The following SAP30 variants were observed in gnomAD, a reference collection of about 807,000 sequenced individuals.
The protein encoded by SAP30 is histone deacetylase complex subunit SAP30.
In SAP30, 13 loss-of-function variants were observed where a neutral mutation model predicts 19.6. That is an observed-to-expected ratio of 0.66 (90% confidence interval 0.43 to 1.05). SAP30 has a LOEUF of 1.05. Ranked by LOEUF, SAP30 falls within the 50% of genes least tolerant of loss-of-function variation. The pLI is 0.00. For missense variants in SAP30, 257 were observed against 292.1 expected (o/e 0.88, Z 0.88); for synonymous variants, 108 against 122.7 (o/e 0.88, Z 0.79).
intron 3 of SAP30, 24 bp downstream of exon 3, chr4:173,374,061 T>C: frequency 7.8e-7 from 1 of 1,286,640 alleles, no homozygotes; most frequent in African/African-American, 1.5e-5. Flanking sequence ...TTAAACTATT[T>C]GAACTATCTG....
chr4:173,371,153 T>A lies in SAP30; in HGVS notation c.-30T>A. The A allele has an allele frequency of 6.9e-7, 1 of 1,444,254 alleles. No individual in the cohort carries two copies. Among genetic ancestry groups the A allele is most frequent in the Non-Finnish European group, 9.1e-7 (1 of 1,098,762 alleles). 89.5% of individuals were successfully genotyped at this position (1,444,254 alleles called of 1,614,324 possible). ...GAGCGGCCAGGAGAGAGGGGATTTC[T>A]GTCAGCGCCGGCCTCGGGAGCTCGG... On this transcript the variant is annotated 5_prime_UTR_variant, in exon 1 of 4. Coordinates refer to ENST00000296504, the MANE Select transcript of SAP30 (RefSeq NM_003864.4). The surrounding 1 kb of genome is among the most constrained non-coding windows in gnomAD (Gnocchi z 6.4).
rs1738942157 is a variant in SAP30 at position 173,371,810 on chromosome 4, A to C, written c.315+313A>C. Among the ~76,000 whole-genome samples, 1 of 152,026 alleles carries C rather than the reference A, an allele frequency of 6.6e-6. No homozygotes were observed. The highest frequency in any genetic ancestry group is 1.5e-5 in the Non-Finnish European group (1 of 67,998). On this transcript the variant is annotated intron_variant, in intron 1 of 3. Transcript: ENST00000296504. The surrounding 1 kb of genome is among the most constrained non-coding windows in gnomAD (Gnocchi z 6.4). ...GCGACCGGGACACGAAACAAAGGGG[A>C]CCGGCGCACTGAGGGCCCAGAGTAG...
chr4:173,371,444 A>G lies in SAP30; in HGVS notation c.262A>G (p.Arg88Gly). 6.3e-7 allele frequency: 1 copy of G among 1,592,426 alleles called. No homozygotes were observed. The highest frequency in any genetic ancestry group is 8.5e-7 in the Non-Finnish European group (1 of 1,176,226). Residue 88 changes from arginine to glycine, a missense_variant, in exon 1 of 4, where the codon AGG (arginine) becomes GGG (glycine). Coordinates refer to ENST00000296504, the MANE Select transcript of SAP30 (RefSeq NM_003864.4). This position sits in a 1 kb window ranked among gnomAD's most constrained non-coding sequence, Gnocchi z 6.4. ...GGCAGGCAACGCCAGCTTCAGCAAG[A>G]GGATCCAGAAGAGCATCTCCCAGAA... is the stretch of plus-strand genomic sequence containing the variant. ...RAAGNASFSK[R>G]IQKSISQKKV...
chr4:173,377,133 G>A (rs866238920), intron 3 of SAP30, 72 bp from the exon 4 acceptor site: 23 of 1,165,280 alleles, frequency 2.0e-5, no homozygotes, highest in South Asian at 1.8e-4. Context: ...TGATGAAACC[G>A]TATTTTTTAC....
intron 3 of SAP30, among the ~76,000 whole-genome samples, chr4:173,376,108 T>G (rs1739034011): frequency 6.6e-6 from 1 of 152,204 alleles, no homozygotes; most frequent in Admixed American, 6.5e-5. Context: ...GAATCCAGGG[T>G]TGTATGACTA....
chr4:173,371,545 C>G lies in SAP30; in HGVS notation c.315+48C>G. The G allele has an allele frequency of 1.3e-6, 2 of 1,554,612 alleles. No individual in the cohort carries two copies. Among genetic ancestry groups the G allele is most frequent in the Non-Finnish European group, 1.7e-6 (2 of 1,153,020 alleles). On this transcript the variant is annotated intron_variant, in intron 1 of 3. Transcript: ENST00000296504. The surrounding 1 kb of genome is among the most constrained non-coding windows in gnomAD (Gnocchi z 6.4). Reference sequence around the variant, plus strand: ...CTGCCCTCCCGCCCCTCGGTGGGGCCCCAGGAGCCGGGCAAAGGCACGGGT... The same window carrying G: ...CTGCCCTCCCGCCCCTCGGTGGGGCGCCAGGAGCCGGGCAAAGGCACGGGT...
rs2126905105 is a variant in SAP30, at chr4:173,373,549, C to T, written c.441+34C>T. Reference sequence around the variant, plus strand: ...AAGTTTTTTATGCTTAATGTAAATCCTAAGTAGTGCATTCTGAAGCCTTTA... The same window carrying T: ...AAGTTTTTTATGCTTAATGTAAATCTTAAGTAGTGCATTCTGAAGCCTTTA... On this transcript the variant is annotated intron_variant, in intron 2 of 3. Coordinates refer to ENST00000296504, the MANE Select transcript of SAP30 (RefSeq NM_003864.4). 3.2e-6 allele frequency: 5 copies of T among 1,550,090 alleles called. No homozygotes were observed. The Middle Eastern group carries it at 6.9e-4, about 214-fold the overall frequency.
intron 1 of SAP30, among the ~76,000 whole-genome samples, chr4:173,372,047 CG>C (rs1393870561): frequency 6.6e-6 from 1 of 152,172 alleles, no homozygotes; most frequent in Admixed American, 6.5e-5. Context: ...GGCAGTGAGC[CG>C]GGGTTGTAAA....
chr4:173,376,368 C>T (rs1205894172), intron 3 of SAP30, among the ~76,000 whole-genome samples: 1 of 152,100 alleles, frequency 6.6e-6, no homozygotes, highest in Non-Finnish European at 1.5e-5. Context: ...GGAACCTTAA[C>T]CAAAGAATGC....
chr4:173,371,515 C>T lies in SAP30; in HGVS notation c.315+18C>T. 1 of 1,576,830 alleles carries T rather than the reference C, an allele frequency of 6.3e-7. No individual in the cohort carries two copies. Among genetic ancestry groups the T allele is most frequent in the Non-Finnish European group, 8.6e-7 (1 of 1,165,940 alleles). ...ATAAGAGCGTAAGTAAACCGCGGGA[C>T]CGCCCTGCCCTCCCGCCCCTCGGTG... On this transcript the variant is annotated intron_variant, in intron 1 of 3. Coordinates refer to ENST00000296504, the MANE Select transcript of SAP30 (RefSeq NM_003864.4). The surrounding 1 kb of genome is among the most constrained non-coding windows in gnomAD (Gnocchi z 6.4).
intron 2 of SAP30, 134 bp from the exon 3 acceptor site, chr4:173,373,805 A>G: frequency 2.3e-6 from 1 of 436,690 alleles, no homozygotes. Context: ...TGGATTATAT[A>G]AATTTTTTAA....
intron 3 of SAP30, 48 bp from the exon 4 acceptor site, chr4:173,377,157 C>A (rs899042648): frequency 3.5e-6 from 5 of 1,412,054 alleles, no homozygotes; most frequent in East Asian, 2.6e-5. Context: ...GTTTATGAAA[C>A]CTGTTATATC....
At chr4:173,373,357 T>A in intron 1 of SAP30, 33 bp from the exon 2 acceptor site, 1 of 1,569,356 alleles carries the variant, frequency 6.4e-7, no homozygotes, top group Non-Finnish European at 8.6e-7. Context: ...TTTACTGTAA[T>A]CATAAGCAGT....
intron 1 of SAP30, 121 bp from the exon 2 acceptor site, chr4:173,373,269 T>C: frequency 1.3e-6 from 1 of 790,154 alleles, no homozygotes; most frequent in African/African-American, 1.8e-5. Context: ...TCCATTATCT[T>C]AACAATGGCC....
At position 173,373,965 on chromosome 4, in the gene SAP30, T is replaced by C. The variant is rs894333928; in HGVS notation, c.468T>C (p.Asn156=). The C allele has an allele frequency of 1.3e-5, 21 of 1,584,956 alleles. No individual in the cohort carries two copies. The highest frequency in any genetic ancestry group is 1.6e-5 in the Non-Finnish European group (19 of 1,163,928). ...PEVDLYQLQV[N]TLRRYKRHFK... ...TTGATTTATACCAATTACAAGTAAATACACTTAGGAGATACAAAAGACACT... is the reference window on the plus strand; with the variant it reads ...TTGATTTATACCAATTACAAGTAAACACACTTAGGAGATACAAAAGACACT... The change falls in exon 3 of 4, where the codon AAT becomes AAC. Residue 156 remains asparagine (N), a synonymous_variant. Transcript: ENST00000296504.
At chr4:173,376,993 A>G (rs913431623) in intron 3 of SAP30, among the ~76,000 whole-genome samples, 1 of 152,162 alleles carries the variant, frequency 6.6e-6, no homozygotes, top group Non-Finnish European at 1.5e-5. Context: ...TGAGTGGGTC[A>G]AAGGGTCCTT....
At chr4:173,375,945 A>G (rs1003155416) in intron 3 of SAP30, among the ~76,000 whole-genome samples, 2 of 152,186 alleles carry the variant, frequency 1.3e-5, no homozygotes, top group Admixed American at 6.5e-5. Context: ...AGGGATCTAG[A>G]TTGTATGCTT....
chr4:173,377,427 C>T lies in SAP30; in HGVS notation c.*100C>T. ...GTGTATTTTTTCTACAGAGGATTTT[C>T]TCTGATTTTATTTTCTTTGTTTCTG... On this transcript the variant is annotated 3_prime_UTR_variant, in exon 4 of 4. Coordinates refer to ENST00000296504, the MANE Select transcript of SAP30 (RefSeq NM_003864.4). The T allele has an allele frequency of 8.4e-7, 1 of 1,196,500 alleles. No homozygotes were observed. Among genetic ancestry groups the T allele is most frequent in the Non-Finnish European group, 1.2e-6 (1 of 860,186 alleles). The allele number at this position is 1,196,500 out of a possible 1,614,324, so 74.1% of individuals were successfully genotyped here.
intron 3 of SAP30, among the ~76,000 whole-genome samples, chr4:173,376,258 G>A (rs1043958669): frequency 6.6e-6 from 1 of 152,174 alleles, no homozygotes; most frequent in African/African-American, 2.4e-5. Flanking sequence ...TGTTATGTTA[G>A]CACAATGAAA....
Sources: allele counts gnomAD v4.1 joint callset (sites outside exome capture counted in the v4.1 genomes callset), GRCh38; gene constraint gnomAD v4.1.1; non-coding constraint Gnocchi (gnomAD v3.1); transcripts MANE v1.5; gene names NCBI Gene and HGNC (gene_info 2026-07-23, HGNC 2026-07-21).